Variants in DDX42 observed in about 807,000 individuals in gnomAD.
DDX42 encodes ATP-dependent RNA helicase DDX42.
A neutral mutation model predicts 101.5 loss-of-function variants in DDX42; 22 were observed. That is an observed-to-expected ratio of 0.22 (90% CI 0.15 to 0.31). The LOEUF (loss-of-function observed/expected upper bound fraction) is 0.31. Ranked by LOEUF, DDX42 falls within the 10% of genes least tolerant of loss-of-function variation. The pLI is 1.00. For synonymous variants in DDX42, 402 were observed against 401.2 expected, an observed-to-expected ratio of 1.00 and a Z score of -0.02; for missense variants, 849 against 1,199.9, an observed-to-expected ratio of 0.71 and a Z score of 4.32.
intron 1 of DDX42, among the ~76,000 whole-genome samples, chr17:63,779,731 AG>A (rs1375024116): frequency 2.0e-5 from 3 of 151,566 alleles, no homozygotes; most frequent in African/African-American, 4.9e-5. Flanking sequence ...TGACTATTCT[AG>A]GTATCTCTTT....
rs1022057820 is a variant in DDX42 at position 63,792,866 on chromosome 17, T to C, written c.372+304T>C. Among the ~76,000 whole-genome samples the C allele has an allele frequency of 3.9e-5, 6 of 152,308 alleles. No individual in the cohort carries two copies. In the South Asian group the frequency reaches 1.2e-3, roughly 32 times the overall value. ...TCTTAAATGGAATTAATATTCAATC[T>C]AGCATTTGTTAAGTACATATTTATG... On this transcript the variant is annotated intron_variant, in intron 3 of 17. Coordinates refer to ENST00000389924, the MANE Select transcript of DDX42 (RefSeq NM_203499.3).
At chr17:63,807,676 TC>T in intron 8 of DDX42, 47 bp from the exon 9 acceptor site, 1 of 1,553,906 alleles carries the variant, frequency 6.4e-7, no homozygotes, top group Admixed American at 1.9e-5. Flanking sequence ...CTTCAGTACA[TC>T]TTTAGAATTG....
intron 6 of DDX42, among the ~76,000 whole-genome samples, chr17:63,802,917 A>G (rs2039789916): frequency 6.6e-6 from 1 of 151,894 alleles, no homozygotes; most frequent in Non-Finnish European, 1.5e-5. Context: ...TCTCAAAAAA[A>G]AAAAAAAATT....
Position 63,818,420 on chromosome 17 carries a change from A to C in DDX42, c.*22A>C. 6.3e-7 allele frequency: 1 copy of C among 1,594,948 alleles called. No homozygotes were observed. Among genetic ancestry groups the C allele is most frequent in the Non-Finnish European group, 8.5e-7 (1 of 1,170,680 alleles). ...TTAGAGGGGATGTGCTAAAGCGTGA[A>C]ATCAGTTGTCCTTAATTTTTAGAAA... is the stretch of plus-strand genomic sequence containing the variant. On this transcript the variant is annotated 3_prime_UTR_variant, in exon 18 of 18. Coordinates refer to ENST00000389924, the MANE Select transcript of DDX42 (RefSeq NM_203499.3).
At chr17:63,792,272 C>T in intron 2 of DDX42, 140 bp from the exon 3 acceptor site, 2 of 844,042 alleles carry the variant, frequency 2.4e-6, no homozygotes, top group Non-Finnish European at 1.7e-6. Context: ...GGTCATTAGC[C>T]AAAGCCTTGG....
chr17:63,777,938 G>A (rs1365465864), intron 1 of DDX42, among the ~76,000 whole-genome samples: 4 of 152,186 alleles, frequency 2.6e-5, no homozygotes, highest in African/African-American at 7.2e-5. Context: ...AGTACGTGTG[G>A]AGAGACCCTG....
chr17:63,783,772 T>C (rs1402234635), intron 1 of DDX42, among the ~76,000 whole-genome samples: 1 of 152,104 alleles, frequency 6.6e-6, no homozygotes, highest in Non-Finnish European at 1.5e-5. Flanking sequence ...TCAAGTTTAA[T>C]ACTAAGCAGC....
intron 3 of DDX42, among the ~76,000 whole-genome samples, chr17:63,793,335 A>T (rs2039651448): frequency 6.6e-6 from 1 of 151,036 alleles, no homozygotes; most frequent in Non-Finnish European, 1.5e-5. Context: ...TAGTATGATC[A>T]TGGCTCACTG....
At chr17:63,809,688 C>T (rs768339789) in intron 11 of DDX42, 29 bp downstream of exon 11, 5 of 1,568,156 alleles carry the variant, frequency 3.2e-6, no homozygotes, top group African/African-American at 1.4e-5. Context: ...TTTCTTCTGT[C>T]CCCATCCTCA....
chr17:63,804,830 C>G (rs2039819247), intron 6 of DDX42, among the ~76,000 whole-genome samples: 1 of 152,068 alleles, frequency 6.6e-6, no homozygotes, highest in African/African-American at 2.4e-5. Context: ...GCCTGGGTGA[C>G]AGAGCGAAAC....
At chr17:63,786,741 G>A (rs1225420325) in intron 1 of DDX42, among the ~76,000 whole-genome samples, 1 of 152,242 alleles carries the variant, frequency 6.6e-6, no homozygotes, top group Non-Finnish European at 1.5e-5. Context: ...GCAGTGGCAC[G>A]ATCTCAGCTC....
chr17:63,817,162 G>A lies in DDX42; in HGVS notation c.2112+196G>A. 9.2e-6 allele frequency: 5 copies of A among 543,090 alleles called. No individual in the cohort carries two copies. The South Asian group carries it at 1.1e-4, about 12-fold the overall frequency. 33.6% of individuals were successfully genotyped at this position (543,090 alleles called of 1,614,324 possible). ...CAAGTTGATCTAGAGAACCCCTTGT[G>A]CTGGTCTACTTTGAGTCACACTTGG... On this transcript the variant is annotated intron_variant, in intron 17 of 17. Transcript: ENST00000389924.
At chr17:63,785,824 G>T (rs2044125) in intron 1 of DDX42, among the ~76,000 whole-genome samples, 106,534 of 152,020 alleles carry the variant, frequency 0.7, 38,773 homozygotes, top group African/African-American at 0.92. Flanking sequence ...TACCTTTCCT[G>T]CAGACATGAA....
intron 14 of DDX42, 120 bp from the exon 15 acceptor site, chr17:63,813,108 C>A: frequency 1.1e-6 from 1 of 895,044 alleles, no homozygotes; most frequent in Non-Finnish European, 1.7e-6. Flanking sequence ...CTCAGCTCAC[C>A]AAACCCATGC....
intron 3 of DDX42, among the ~76,000 whole-genome samples, chr17:63,797,617 T>TA (rs2039709660): frequency 6.6e-6 from 1 of 152,222 alleles, no homozygotes; most frequent in African/African-American, 2.4e-5. Context: ...CATTGCCAGA[T>TA]GTTGCCTAGG....
intron 1 of DDX42, among the ~76,000 whole-genome samples, chr17:63,781,935 G>A (rs951405237): frequency 3.3e-5 from 5 of 151,444 alleles, no homozygotes; most frequent in South Asian, 2.1e-4. Flanking sequence ...GTGTGAACCC[G>A]GGAGGCAGAG....
intron 1 of DDX42, among the ~76,000 whole-genome samples, chr17:63,778,644 G>GT (rs111355576): frequency 1.6e-3 from 232 of 147,710 alleles, no homozygotes; most frequent in East Asian, 0.015. Flanking sequence ...TGATAATAAA[G>GT]TTTTTTTTTT....
intron 17 of DDX42, chr17:63,817,451 C>G (rs554513718): frequency 2.1e-6 from 1 of 468,104 alleles, no homozygotes; most frequent in East Asian, 3.4e-5. Context: ...ATGCTTTATT[C>G]TAGCCAATCA....
chr17:63,784,944 C>A (rs186570084), intron 1 of DDX42, among the ~76,000 whole-genome samples: 113 of 152,176 alleles, frequency 7.4e-4, no homozygotes, highest in Non-Finnish European at 9.1e-4. Context: ...AAATAGATAT[C>A]TATTGACATT....
Sources: gnomAD v4.1 joint callset for allele counts (sites outside exome capture counted in the v4.1 genomes callset) on GRCh38, gnomAD v4.1.1 for gene constraint, MANE v1.5 for transcripts, NCBI Gene and HGNC (gene_info 2026-07-23, HGNC 2026-07-21) for gene names.